ATP8B1: variants seen among roughly 807,000 people sequenced by gnomAD.
The protein encoded by ATP8B1 is ATPase phospholipid transporting 8B1.
Under a neutral mutation model 149.9 loss-of-function variants are expected in ATP8B1, and 80 were observed. The observed-to-expected ratio is 0.53, with a 90% CI of 0.45 to 0.64. ATP8B1 has a LOEUF of 0.64. ATP8B1 is among the 30% of genes least tolerant of loss of function. The pLI is 0.00. For synonymous variants in ATP8B1, 536 were observed against 562.8 expected, an observed-to-expected ratio of 0.95 and a Z score of 0.67; for missense variants, 1,247 against 1,552.6, an observed-to-expected ratio of 0.80 and a Z score of 3.31.
At chr18:57,783,692 C>T (rs2080378617) in intron 1 of ATP8B1, among the ~76,000 whole-genome samples, 1 of 152,010 alleles carries the variant, frequency 6.6e-6, no homozygotes, top group African/African-American at 2.4e-5. Flanking sequence ...AAAAATTAGC[C>T]AGGCATGGTG....
chr18:57,785,879 T>C (rs567275084), intron 1 of ATP8B1, among the ~76,000 whole-genome samples: 37 of 152,318 alleles, frequency 2.4e-4, no homozygotes, highest in African/African-American at 8.9e-4. Flanking sequence ...TATTCTCCTC[T>C]GGCAGCTTAG....
chr18:57,800,612 AG>A (rs1361935868), intron 1 of ATP8B1, among the ~76,000 whole-genome samples: 1 of 152,252 alleles, frequency 6.6e-6, no homozygotes, highest in Non-Finnish European at 1.5e-5. Flanking sequence ...TAATAAAGAA[AG>A]TAAGAAACCA....
chr18:57,783,376 G>A (rs1018105230), intron 1 of ATP8B1, among the ~76,000 whole-genome samples: 12 of 152,036 alleles, frequency 7.9e-5, no homozygotes, highest in African/African-American at 2.9e-4. Context: ...CACACAACAG[G>A]GTGGACACAT....
chr18:57,671,383 A>G (rs1911209150), intron 17 of ATP8B1, 85 bp downstream of exon 17: 2 of 1,182,948 alleles, frequency 1.7e-6, no homozygotes, highest in Non-Finnish European at 2.5e-6. Flanking sequence ...TCAGCAGTTA[A>G]CATACAGCTT....
intron 23 of ATP8B1, 68 bp from the exon 24 acceptor site, chr18:57,654,143 C>T (rs1191416266): frequency 3.2e-6 from 4 of 1,258,360 alleles, no homozygotes; most frequent in East Asian, 2.3e-5. Context: ...AGCACATACT[C>T]ATCTGCTTCC....
chr18:57,768,253 G>A (rs2123360586), intron 1 of ATP8B1, among the ~76,000 whole-genome samples: 1 of 151,768 alleles, frequency 6.6e-6, no homozygotes, highest in Non-Finnish European at 1.5e-5. Context: ...CAGGTGTGGT[G>A]GGGGGCACCT....
intron 1 of ATP8B1, among the ~76,000 whole-genome samples, chr18:57,756,252 C>T (rs1317873367): frequency 1.3e-4 from 14 of 108,848 alleles, no homozygotes; most frequent in African/African-American, 3.6e-4. Context: ...TACACACACA[C>T]ATATATATAT....
chr18:57,651,664 G>T (rs191161), intron 26 of ATP8B1, among the ~76,000 whole-genome samples: 1 of 150,844 alleles, frequency 6.6e-6, no homozygotes, highest in East Asian at 1.9e-4. Flanking sequence ...ACAGGGTCCC[G>T]CTCTGTCACC....
chr18:57,701,475 C>A lies in ATP8B1; in HGVS notation c.394-162G>T, dbSNP rs577583217. On this transcript the variant is annotated intron_variant, in intron 4 of 27. Coordinates refer to ENST00000648908, the MANE Select transcript of ATP8B1 (RefSeq NM_001374385.1). ...AGGAAAGGCTCTTCAAGCATTTGGA[C>A]AACCTCCTTCTAGTGGTTCTCTCTA... 2.0e-5 allele frequency among the ~76,000 whole-genome samples: 3 copies of A among 152,300 alleles called. No individual in the cohort carries two copies. The East Asian group carries it at 5.8e-4, about 29-fold the overall frequency.
chr18:57,753,757 A>G lies in ATP8B1; in HGVS notation c.-25-21925T>C, dbSNP rs201592233. Among the ~76,000 whole-genome samples the G allele has an allele frequency of 1.4e-4, 22 of 152,010 alleles. No individual in the cohort carries two copies. In the East Asian group the frequency reaches 4.3e-3, roughly 30 times the overall value. ...AGCCTGGTCAACATGGTGAAACCCC[A>G]TCTCTACTAAAAATACAAAAATTAG... On this transcript the variant is annotated intron_variant, in intron 1 of 27. Coordinates refer to ENST00000648908, the MANE Select transcript of ATP8B1 (RefSeq NM_001374385.1).
intron 26 of ATP8B1, among the ~76,000 whole-genome samples, chr18:57,651,156 G>T (rs372203897): frequency 1.6e-4 from 24 of 152,278 alleles, no homozygotes; most frequent in South Asian, 1.4e-3. Flanking sequence ...ACCCACGTTG[G>T]AGTGCAGTGG....
intron 4 of ATP8B1, 81 bp from the exon 5 acceptor site, chr18:57,701,394 G>A: frequency 8.0e-7 from 1 of 1,247,450 alleles, no homozygotes; most frequent in East Asian, 2.4e-5. Flanking sequence ...TTCTAAGCTT[G>A]CTAATTCCAA....
chr18:57,788,688 C>T (rs1356076495), intron 1 of ATP8B1, among the ~76,000 whole-genome samples: 1 of 152,180 alleles, frequency 6.6e-6, no homozygotes, highest in Non-Finnish European at 1.5e-5. Context: ...CCTTGTGTTT[C>T]TCATCTGTCC....
At chr18:57,736,472 T>C (rs2079856187) in intron 1 of ATP8B1, among the ~76,000 whole-genome samples, 2 of 147,056 alleles carry the variant, frequency 1.4e-5, no homozygotes, top group Admixed American at 6.8e-5. Context: ...TTTTTTTTTT[T>C]TTTTTGAGAG....
intron 1 of ATP8B1, among the ~76,000 whole-genome samples, chr18:57,794,632 G>C (rs571758587): frequency 6.6e-6 from 1 of 152,008 alleles, no homozygotes; most frequent in Non-Finnish European, 1.5e-5. Flanking sequence ...ATGATAGAAT[G>C]GCATATGACG....
intron 2 of ATP8B1, among the ~76,000 whole-genome samples, chr18:57,720,007 G>T (rs1191910663): frequency 6.6e-6 from 1 of 151,892 alleles, no homozygotes; most frequent in Non-Finnish European, 1.5e-5. Flanking sequence ...ACACGGCAGG[G>T]TATTCCAACA....
chr18:57,795,853 C>A (rs1006611043), intron 1 of ATP8B1, among the ~76,000 whole-genome samples: 3 of 148,902 alleles, frequency 2.0e-5, no homozygotes, highest in African/African-American at 7.5e-5. Context: ...TCAAGATGGT[C>A]AATGTTATGT....
chr18:57,648,599 C>G lies in ATP8B1; in HGVS notation c.3645G>C (p.Arg1215=). The change falls in exon 28 of 28, where the codon CGG becomes CGC. Residue 1215 remains arginine, a synonymous_variant. Coordinates refer to ENST00000648908, the MANE Select transcript of ATP8B1 (RefSeq NM_001374385.1). ...CGGAGGAGATGAGGTCCGCGTAGCC[C>G]CGCTGGTGCGAGAAGGCGTAGGCCG... ...RRSAYAFSHQ[R]GYADLISSGR... is the part of the protein sequence containing the mutation. The G allele has an allele frequency of 6.2e-7, 1 of 1,611,104 alleles. No individual in the cohort carries two copies. The highest frequency in any genetic ancestry group is 1.1e-5 in the South Asian group (1 of 90,912).
At position 57,751,137 on chromosome 18, in the gene ATP8B1, T is replaced by A. The variant is rs1473737510; in HGVS notation, c.-25-19305A>T. Among the ~76,000 whole-genome samples, 5 of 151,952 alleles carry A rather than the reference T, an allele frequency of 3.3e-5. No individual in the cohort carries two copies. The South Asian group carries it at 1.0e-3, about 32-fold the overall frequency. The stretch of plus-strand genomic sequence containing the variant: ...GACTATCTCAAAAAATAAAATAGAA[T>A]AAGAAAATAAATCTTATCAATGCTT... On this transcript the variant is annotated intron_variant, in intron 1 of 27. Coordinates refer to ENST00000648908, the MANE Select transcript of ATP8B1 (RefSeq NM_001374385.1).
Sources: gnomAD v4.1 joint callset for allele counts (sites outside exome capture counted in the v4.1 genomes callset) on GRCh38, gnomAD v4.1.1 for gene constraint, MANE v1.5 for transcripts, NCBI Gene and HGNC (gene_info 2026-07-23, HGNC 2026-07-21) for gene names.